The following EPHA6 variants were observed in gnomAD, a reference collection of about 807,000 sequenced individuals.
The protein encoded by EPHA6 is ephrin type-A receptor 6.
A neutral mutation model predicts 112.0 loss-of-function variants in EPHA6; 50 were observed. The observed-to-expected ratio is 0.45, with a 90% confidence interval of 0.36 to 0.56. The LOEUF is 0.56. Ranked by LOEUF, EPHA6 falls within the 20% of genes least tolerant of loss-of-function variation. The probability of loss-of-function intolerance (pLI) is 0.00; values close to 1 mark genes in which losing one functional copy is unlikely to be tolerated. For synonymous variants in EPHA6, 529 were observed against 490.7 expected (o/e 1.08, Z -1.03); for missense variants, 1,280 against 1,417.4 (o/e 0.90, Z 1.56).
chr3:97,249,190 T>C (rs2079064620), intron 5 of EPHA6, among the ~76,000 whole-genome samples: 1 of 152,152 alleles, frequency 6.6e-6, no homozygotes, highest in African/African-American at 2.4e-5. Context: ...TATTTGTATT[T>C]TCCATATTTC....
At chr3:97,359,037 T>TA (rs544279692) in intron 5 of EPHA6, among the ~76,000 whole-genome samples, 109 of 152,116 alleles carry the variant, frequency 7.2e-4, no homozygotes, top group African/African-American at 2.6e-3. Context: ...TGGCTTTTTT[T>TA]TTTTTGAGTT....
rs979574361 is a variant in EPHA6 at position 97,230,094 on chromosome 3, C to T, written c.1270+3675C>T. Reference sequence around the variant, plus strand: ...TTGTGATATTTCAAATAGTTACAGACCTGTCAGGCATGTATCCCTCAAAAC... The same window carrying T: ...TTGTGATATTTCAAATAGTTACAGATCTGTCAGGCATGTATCCCTCAAAAC... On this transcript the variant is annotated intron_variant, in intron 4 of 17. Transcript: ENST00000389672. Among the ~76,000 whole-genome samples the T allele has an allele frequency of 6.6e-5, 10 of 152,118 alleles. No homozygotes were observed. In the South Asian group the frequency reaches 2.1e-3, roughly 32 times the overall value.
At chr3:97,595,747 T>TG (rs1257060178) in intron 12 of EPHA6, among the ~76,000 whole-genome samples, 1 of 151,194 alleles carries the variant, frequency 6.6e-6, no homozygotes, top group Non-Finnish European at 1.5e-5. Context: ...AATAAGAGAA[T>TG]GGGGAAGGAG....
intron 3 of EPHA6, among the ~76,000 whole-genome samples, chr3:97,023,166 C>T (rs1260142162): frequency 6.6e-6 from 1 of 152,116 alleles, no homozygotes; most frequent in Non-Finnish European, 1.5e-5. Flanking sequence ...GAAAGCTCCA[C>T]CTCCTGTTTT....
chr3:97,138,264 C>A (rs1034052794), intron 3 of EPHA6, among the ~76,000 whole-genome samples: 2 of 152,138 alleles, frequency 1.3e-5, no homozygotes, highest in East Asian at 1.9e-4. Context: ...CTCACACGGA[C>A]CCCGCTGAGC....
intron 14 of EPHA6, among the ~76,000 whole-genome samples, chr3:97,712,619 G>A (rs1413255837): frequency 6.6e-6 from 1 of 152,144 alleles, no homozygotes; most frequent in Non-Finnish European, 1.5e-5. Context: ...TTTTACAGAT[G>A]TCCCCCAGAA....
intron 11 of EPHA6, among the ~76,000 whole-genome samples, chr3:97,571,278 T>C (rs1235877660): frequency 1.3e-5 from 2 of 151,708 alleles, no homozygotes; most frequent in East Asian, 3.9e-4. Context: ...ACTCTTGCAG[T>C]AGTCAAAATT....
intron 1 of EPHA6, among the ~76,000 whole-genome samples, chr3:96,840,129 C>G (rs1559763210): frequency 6.6e-6 from 1 of 152,032 alleles, no homozygotes; most frequent in Non-Finnish European, 1.5e-5. Flanking sequence ...CTGGCTACAG[C>G]TAATAATATG....
chr3:97,481,549 G>A lies in EPHA6; in HGVS notation c.2074+2185G>A, dbSNP rs868541238. The A allele has an allele frequency of 1.1e-5, 8 of 738,408 alleles. No homozygotes were observed. The Middle Eastern group carries it at 1.5e-3, about 142-fold the overall frequency. The allele number at this position is 738,408 out of a possible 1,614,324, so 45.7% of individuals were successfully genotyped here. A position where few individuals can be genotyped will look rare whatever the true frequency, so the allele number is the denominator to read the frequency against. On this transcript the variant is annotated intron_variant, in intron 9 of 17. Coordinates refer to ENST00000389672, the MANE Select transcript of EPHA6 (RefSeq NM_001080448.3). ...TGCAGGCCCGGGGGTCCCTAGAGCC[G>A]CCGGGGCGCGGCGCGTCCGGCGCTG...
chr3:97,052,421 T>C (rs562922407), intron 3 of EPHA6, among the ~76,000 whole-genome samples: 37 of 152,240 alleles, frequency 2.4e-4, no homozygotes, highest in African/African-American at 8.2e-4. Flanking sequence ...TTTAATTTTT[T>C]TTTCTTTGTC....
chr3:97,349,598 G>A (rs574624697), intron 5 of EPHA6, among the ~76,000 whole-genome samples: 46 of 152,178 alleles, frequency 3.0e-4, no homozygotes, highest in Middle Eastern at 3.4e-3. Context: ...GAGTCATAGA[G>A]AGGAAGTATA....
At position 97,410,237 on chromosome 3, in the gene EPHA6, C is replaced by A. The variant is rs564255304; in HGVS notation, c.1731+4963C>A. Among the ~76,000 whole-genome samples the A allele has an allele frequency of 2.6e-5, 4 of 152,110 alleles. No individual in the cohort carries two copies. In the South Asian group the frequency reaches 6.2e-4, roughly 24 times the overall value. The stretch of plus-strand genomic sequence containing the variant: ...ATATAGTTTTTCCACAGATAACAAC[C>A]TAATAATTATCCCTCATTTTTCTAA... On this transcript the variant is annotated intron_variant, in intron 6 of 17. Transcript: ENST00000389672.
chr3:97,548,284 A>G (rs1343041001), intron 11 of EPHA6, among the ~76,000 whole-genome samples: 1 of 152,072 alleles, frequency 6.6e-6, no homozygotes, highest in African/African-American at 2.4e-5. Flanking sequence ...GAAATTATAC[A>G]CCGTTCTCAG....
chr3:96,937,454 G>A (rs553875527), intron 2 of EPHA6, among the ~76,000 whole-genome samples: 90 of 132,612 alleles, frequency 6.8e-4, no homozygotes, highest in Admixed American at 1.1e-3. Flanking sequence ...TGATGGGGTT[G>A]TTTGTTTTTT....
At chr3:97,281,233 G>A (rs928422087) in intron 5 of EPHA6, among the ~76,000 whole-genome samples, 4 of 144,698 alleles carry the variant, frequency 2.8e-5, no homozygotes, top group Admixed American at 2.0e-4. Flanking sequence ...GTGTGTGCGC[G>A]CGTGTGTGCA....
chr3:97,592,499 A>G lies in EPHA6; in HGVS notation c.2387-113A>G, dbSNP rs571288569. 4.5e-5 allele frequency: 57 copies of G among 1,267,926 alleles called. 1 individual carries two copies. In the South Asian group the frequency reaches 7.6e-4, roughly 17 times the overall value. The allele number at this position is 1,267,926 out of a possible 1,614,324, so 78.5% of individuals were successfully genotyped here. A position where few individuals can be genotyped will look rare whatever the true frequency, so the allele number is the denominator to read the frequency against. ...TGCATTCCATCCCTTTAATTTTATAACTTCTTCGTAAAATTTGATGTCTTT... is the reference window on the plus strand; with the variant it reads ...TGCATTCCATCCCTTTAATTTTATAGCTTCTTCGTAAAATTTGATGTCTTT... On this transcript the variant is annotated intron_variant, in intron 11 of 17. Coordinates refer to ENST00000389672, the MANE Select transcript of EPHA6 (RefSeq NM_001080448.3).
intron 14 of EPHA6, among the ~76,000 whole-genome samples, chr3:97,692,001 C>T (rs1301200034): frequency 6.6e-6 from 1 of 152,210 alleles, no homozygotes; most frequent in Non-Finnish European, 1.5e-5. Flanking sequence ...GACCAACAAT[C>T]ATGGTCTTCC....
chr3:96,926,875 T>C (rs1158450407), intron 2 of EPHA6, among the ~76,000 whole-genome samples: 1 of 152,310 alleles, frequency 6.6e-6, no homozygotes, highest in African/African-American at 2.4e-5. Flanking sequence ...TCTACCATTC[T>C]GGGGTCTAAA....
intron 14 of EPHA6, among the ~76,000 whole-genome samples, chr3:97,702,656 A>T (rs1230441015): frequency 6.6e-6 from 1 of 152,148 alleles, no homozygotes; most frequent in Non-Finnish European, 1.5e-5. Flanking sequence ...CAATTCAATC[A>T]CTATTTCTCT....
Sources: allele counts gnomAD v4.1 joint callset (sites outside exome capture counted in the v4.1 genomes callset), GRCh38; gene constraint gnomAD v4.1.1; transcripts MANE v1.5; gene names NCBI Gene and HGNC (gene_info 2026-07-23, HGNC 2026-07-21).